The following PLCB1 variants were observed in gnomAD, a reference collection of about 807,000 sequenced individuals.
The protein encoded by PLCB1 is 1-phosphatidylinositol 4,5-bisphosphate phosphodiesterase beta-1.
A neutral mutation model predicts 161.8 loss-of-function variants in PLCB1; 46 were observed. The observed-to-expected ratio is 0.28, with a 90% CI of 0.22 to 0.36. The LOEUF is 0.36. Ranked by LOEUF, PLCB1 falls within the 10% of genes least tolerant of loss-of-function variation. The pLI, the probability that PLCB1 is intolerant of heterozygous loss-of-function variation, is 1.00. For missense variants in PLCB1, 1,016 were observed against 1,472.5 expected, an observed-to-expected ratio of 0.69 and a Z score of 5.07; for synonymous variants, 517 against 503.7, an observed-to-expected ratio of 1.03 and a Z score of -0.35.
At chr20:8,398,606 C>T (rs1434503042) in intron 3 of PLCB1, among the ~76,000 whole-genome samples, 5 of 152,162 alleles carry the variant, frequency 3.3e-5, no homozygotes. Flanking sequence ...TTTCCAAAGA[C>T]ACTAATCCCA....
intron 2 of PLCB1, among the ~76,000 whole-genome samples, chr20:8,196,395 G>T (rs1013074153): frequency 5.3e-5 from 8 of 152,086 alleles, no homozygotes; most frequent in African/African-American, 1.9e-4. Flanking sequence ...TCTCCATTTT[G>T]CTCACAAGTG....
intron 23 of PLCB1, chr20:8,750,753 G>A: frequency 1.1e-6 from 1 of 897,184 alleles, no homozygotes; most frequent in Non-Finnish European, 1.6e-6. Context: ...CTCCTTAAGG[G>A]AAAGGCTGGC....
intron 14 of PLCB1, among the ~76,000 whole-genome samples, chr20:8,721,319 G>A (rs1334182058): frequency 6.6e-6 from 1 of 152,146 alleles, no homozygotes; most frequent in Admixed American, 6.6e-5. Flanking sequence ...GGCTCATCGT[G>A]CTATTGCATT....
chr20:8,191,481 T>C (rs911605795), intron 2 of PLCB1, among the ~76,000 whole-genome samples: 10 of 151,998 alleles, frequency 6.6e-5, no homozygotes, highest in Admixed American at 5.9e-4. Flanking sequence ...TCACCTTAAA[T>C]AATTCAGTGC....
chr20:8,337,528 C>A (rs1419543308), intron 2 of PLCB1, among the ~76,000 whole-genome samples: 1 of 152,132 alleles, frequency 6.6e-6, no homozygotes, highest in Non-Finnish European at 1.5e-5. Flanking sequence ...TAATTTCTAA[C>A]TTATTTATTG....
chr20:8,708,790 C>G (rs543453896), intron 12 of PLCB1, 38 bp downstream of exon 12: 5 of 1,178,134 alleles, frequency 4.2e-6, no homozygotes, highest in Non-Finnish European at 3.8e-6. Context: ...GTCTTTTTCC[C>G]GAATAGGGCA....
intron 2 of PLCB1, among the ~76,000 whole-genome samples, chr20:8,220,703 G>A (rs891402405): frequency 5.3e-5 from 8 of 152,190 alleles, no homozygotes; most frequent in African/African-American, 1.9e-4. Context: ...GACAACTTGA[G>A]CTTGGACTTC....
chr20:8,701,163 C>T (rs558650581), intron 11 of PLCB1, among the ~76,000 whole-genome samples: 6 of 152,254 alleles, frequency 3.9e-5, no homozygotes, highest in African/African-American at 1.2e-4. Context: ...CTGAACCCAG[C>T]GTGTAAAGTG....
intron 31 of PLCB1, among the ~76,000 whole-genome samples, chr20:8,793,630 A>G (rs1156794867): frequency 6.6e-6 from 1 of 152,190 alleles, no homozygotes; most frequent in African/African-American, 2.4e-5. Flanking sequence ...GTGACAGACG[A>G]GTACTTAACA....
chr20:8,711,009 A>G (rs1978983480), intron 12 of PLCB1, among the ~76,000 whole-genome samples: 1 of 152,182 alleles, frequency 6.6e-6, no homozygotes, highest in African/African-American at 2.4e-5. Context: ...AATATTTTAC[A>G]TGCCTCAGCT....
At chr20:8,248,473 T>C (rs1017932855) in intron 2 of PLCB1, among the ~76,000 whole-genome samples, 8 of 151,882 alleles carry the variant, frequency 5.3e-5, no homozygotes, top group Non-Finnish European at 1.0e-4. Flanking sequence ...ATAAAGCATG[T>C]AAAAGCTGGG....
intron 3 of PLCB1, among the ~76,000 whole-genome samples, chr20:8,585,831 A>G (rs1235684902): frequency 6.6e-6 from 1 of 152,212 alleles, no homozygotes; most frequent in Non-Finnish European, 1.5e-5. Context: ...CACTATCTCC[A>G]TGAAATCTTT....
At chr20:8,785,323 G>A (rs536724582) in intron 27 of PLCB1, among the ~76,000 whole-genome samples, 1 of 152,210 alleles carries the variant, frequency 6.6e-6, no homozygotes, top group African/African-American at 2.4e-5. Flanking sequence ...TTGATCTGGA[G>A]TAGGGCCCGA....
intron 3 of PLCB1, among the ~76,000 whole-genome samples, chr20:8,458,903 G>A (rs373239440): frequency 2.6e-5 from 4 of 152,290 alleles, no homozygotes; most frequent in African/African-American, 9.6e-5. Context: ...TAATAACATG[G>A]TGTCTACACT....
chr20:8,346,888 A>T (rs905544963), intron 2 of PLCB1, among the ~76,000 whole-genome samples: 1 of 152,246 alleles, frequency 6.6e-6, no homozygotes, highest in Non-Finnish European at 1.5e-5. Flanking sequence ...AACAGGAATC[A>T]TCTGAAAGAT....
At chr20:8,143,586 T>C (rs1217576335) in intron 1 of PLCB1, among the ~76,000 whole-genome samples, 1 of 152,214 alleles carries the variant, frequency 6.6e-6, no homozygotes, top group South Asian at 2.1e-4. Flanking sequence ...CAAGTGAGTA[T>C]AGGAAGCATG....
At chr20:8,862,134 C>A (rs1405549495) in intron 31 of PLCB1, among the ~76,000 whole-genome samples, 1 of 152,138 alleles carries the variant, frequency 6.6e-6, no homozygotes, top group African/African-American at 2.4e-5. Flanking sequence ...TATATTTCCT[C>A]TTGTAGAATA....
chr20:8,531,259 T>C (rs931923565), intron 3 of PLCB1, among the ~76,000 whole-genome samples: 2 of 152,084 alleles, frequency 1.3e-5, no homozygotes, highest in Non-Finnish European at 2.9e-5. Flanking sequence ...AAAAGAATTA[T>C]ATTAAAGAGA....
chr20:8,871,831 A>C (rs886650940), intron 31 of PLCB1, among the ~76,000 whole-genome samples: 9 of 152,230 alleles, frequency 5.9e-5, no homozygotes, highest in Non-Finnish European at 1.3e-4. Context: ...CTTTTTAAAA[A>C]TGAGGTTACA....
Sources: gnomAD v4.1 joint callset for allele counts (sites outside exome capture counted in the v4.1 genomes callset) on GRCh38, gnomAD v4.1.1 for gene constraint, MANE v1.5 for transcripts, NCBI Gene and HGNC (gene_info 2026-07-23, HGNC 2026-07-21) for gene names.